The following LPP variants were observed in gnomAD, a reference collection of about 807,000 sequenced individuals.
LPP encodes the protein LIM domain containing preferred translocation partner in lipoma.
LPP carries 38 observed loss-of-function variants against 60.4 expected under a neutral mutation model. The ratio of observed to expected loss-of-function variants is 0.63; its 90% CI spans 0.49 to 0.83. The LOEUF (loss-of-function observed/expected upper bound fraction) is 0.83, where lower values mean the gene tolerates loss of function less well. Ranked by LOEUF, LPP falls within the 40% of genes least tolerant of loss-of-function variation. LPP has a pLI of 0.00. For synonymous variants in LPP, 328 were observed against 290.8 expected (o/e 1.13, Z -1.30); for missense variants, 902 against 783.6 (o/e 1.15, Z -1.80).
At chr3:188,315,395 A>C (rs1366534286) in intron 2 of LPP, among the ~76,000 whole-genome samples, 2 of 151,868 alleles carry the variant, frequency 1.3e-5, no homozygotes, top group Admixed American at 6.6e-5. Context: ...TTTCTCTTTA[A>C]AATCTTCAAT....
At chr3:188,651,638 G>A (rs750245318) in intron 7 of LPP, among the ~76,000 whole-genome samples, 14 of 152,170 alleles carry the variant, frequency 9.2e-5, no homozygotes, top group Non-Finnish European at 1.9e-4. Flanking sequence ...AAGGTGAAAA[G>A]CACATCTCAC....
intron 4 of LPP, among the ~76,000 whole-genome samples, chr3:188,477,254 G>C (rs1803477076): frequency 6.6e-6 from 1 of 152,206 alleles, no homozygotes; most frequent in Non-Finnish European, 1.5e-5. Context: ...TGTCCTGGGA[G>C]CCAGATGCTC....
chr3:188,170,962 C>T (rs1486728286), intron 1 of LPP, among the ~76,000 whole-genome samples: 5 of 152,126 alleles, frequency 3.3e-5, no homozygotes, highest in African/African-American at 7.2e-5. Context: ...GGAGATTTCA[C>T]GTAACAGTGA....
At chr3:188,861,285 A>G (rs1318512939) in intron 9 of LPP, among the ~76,000 whole-genome samples, 2 of 152,202 alleles carry the variant, frequency 1.3e-5, no homozygotes, top group Non-Finnish European at 2.9e-5. Flanking sequence ...TATCTCAACA[A>G]GACCTAAACT....
intron 1 of LPP, among the ~76,000 whole-genome samples, chr3:188,215,292 C>A (rs1347193713): frequency 6.6e-6 from 1 of 150,988 alleles, no homozygotes; most frequent in Non-Finnish European, 1.5e-5. Flanking sequence ...GATGACAGAT[C>A]GAGACCCTGT....
At chr3:188,817,971 C>G (rs59146736) in intron 9 of LPP, among the ~76,000 whole-genome samples, 3,529 of 152,282 alleles carry the variant, frequency 0.023, 122 homozygotes, top group African/African-American at 0.08. Flanking sequence ...GGATCATATT[C>G]TAAGGCGTAT....
At chr3:188,257,250 C>T (rs1315165178) in intron 2 of LPP, among the ~76,000 whole-genome samples, 1 of 152,146 alleles carries the variant, frequency 6.6e-6, no homozygotes, top group Non-Finnish European at 1.5e-5. Context: ...TAGCTTTCTG[C>T]TCATAGCTTT....
chr3:188,708,749 T>C, intron 8 of LPP: 1 of 331,870 alleles, frequency 3.0e-6, no homozygotes, highest in South Asian at 6.6e-5. Flanking sequence ...TCCCAGCTAC[T>C]CAGAAGGCTG....
At chr3:188,808,197 A>G (rs901940514) in intron 9 of LPP, among the ~76,000 whole-genome samples, 4 of 152,240 alleles carry the variant, frequency 2.6e-5, no homozygotes, top group African/African-American at 9.6e-5. Context: ...CTCCACCCTC[A>G]GATTTAGATC....
intron 4 of LPP, among the ~76,000 whole-genome samples, chr3:188,454,520 C>T (rs1225500973): frequency 6.6e-6 from 1 of 152,100 alleles, no homozygotes; most frequent in African/African-American, 2.4e-5. Context: ...TATTGGAAAA[C>T]AACTCCAGTT....
chr3:188,799,857 C>A (rs2151132680), intron 9 of LPP, among the ~76,000 whole-genome samples: 1 of 152,204 alleles, frequency 6.6e-6, no homozygotes, highest in South Asian at 2.1e-4. Flanking sequence ...AGTAAAAAAT[C>A]AAGTTATGCA....
chr3:188,181,123 G>A (rs886207396), intron 1 of LPP, among the ~76,000 whole-genome samples: 3 of 152,102 alleles, frequency 2.0e-5, no homozygotes, highest in African/African-American at 4.8e-5. Context: ...TGGAGGCCGA[G>A]GTGGGCGGAT....
rs771053167 is a variant in LPP at position 188,609,391 on chromosome 3, C to G, written c.660C>G (p.Thr220=). 6.2e-7 allele frequency: 1 copy of G among 1,614,146 alleles called. No homozygotes were observed. The highest frequency in any genetic ancestry group is 2.2e-5 in the East Asian group (1 of 44,866). Reference sequence around the variant, plus strand: ...CGGCCTCCACTTCTTCAAGGCCTACCTTTAATGTGCAGGTGAAGTCAGCCC... The same window carrying G: ...CGGCCTCCACTTCTTCAAGGCCTACGTTTAATGTGCAGGTGAAGTCAGCCC... ...YTTASTSSRP[T]FNVQVKSAQP... Residue 220 remains threonine, a synonymous_variant, in exon 7 of 12, where the codon ACC becomes ACG. Coordinates refer to ENST00000617246, the MANE Select transcript of LPP (RefSeq NM_001375462.1). The surrounding 1 kb of genome is among the most constrained non-coding windows in gnomAD (Gnocchi z 6.9).
intron 1 of LPP, among the ~76,000 whole-genome samples, chr3:188,160,350 ACG>A (rs1413989511): frequency 6.6e-6 from 1 of 151,750 alleles, no homozygotes; most frequent in Non-Finnish European, 1.5e-5. Context: ...GCCTGCTGGC[ACG>A]CCTGGCTAAT....
In LPP at chr3:188,558,868, G is replaced by A. The variant is rs1849910; in HGVS notation, c.429+34081G>A. Among the ~76,000 whole-genome samples, 209 of 152,192 alleles carry A rather than the reference G, an allele frequency of 1.4e-3. 7 individuals carry two copies. In the East Asian group the frequency reaches 0.038, roughly 28 times the overall value. On this transcript the variant is annotated intron_variant, in intron 6 of 11. Coordinates refer to ENST00000617246, the MANE Select transcript of LPP (RefSeq NM_001375462.1). ...ATTTCATTTCTGCCTACCAAGAAAT[G>A]TGTATGACTCAGCTTTTGTCCAAGC...
intron 3 of LPP, among the ~76,000 whole-genome samples, chr3:188,350,664 G>A (rs1320059350): frequency 6.6e-6 from 1 of 152,156 alleles, no homozygotes; most frequent in Admixed American, 6.5e-5. Context: ...CCTGGCACTA[G>A]AATAGCAGCA....
intron 7 of LPP, among the ~76,000 whole-genome samples, chr3:188,619,116 C>T (rs982926995): frequency 1.3e-5 from 2 of 152,124 alleles, no homozygotes. Flanking sequence ...CCTCTGCCTC[C>T]CGGGTTCAAG....
intron 9 of LPP, among the ~76,000 whole-genome samples, chr3:188,843,835 C>T (rs1452429765): frequency 6.6e-6 from 1 of 151,074 alleles, no homozygotes; most frequent in African/African-American, 2.4e-5. Context: ...TCAGTTGCCC[C>T]TGCAGTCCCT....
intron 3 of LPP, among the ~76,000 whole-genome samples, chr3:188,375,617 T>C (rs554858010): frequency 9.8e-5 from 15 of 152,330 alleles, no homozygotes; most frequent in African/African-American, 3.6e-4. Flanking sequence ...TTAGTCTTGC[T>C]AGTGGTCTAT....
Sources: allele counts gnomAD v4.1 joint callset (sites outside exome capture counted in the v4.1 genomes callset), GRCh38; gene constraint gnomAD v4.1.1; non-coding constraint Gnocchi (gnomAD v3.1); transcripts MANE v1.5; gene names NCBI Gene and HGNC (gene_info 2026-07-23, HGNC 2026-07-21).